SNTG1: variants seen among roughly 807,000 people sequenced by gnomAD.
SNTG1 encodes the protein syntrophin gamma 1.
Under a neutral mutation model 74.7 loss-of-function variants are expected in SNTG1, and 39 were observed. The observed-to-expected ratio is 0.52, with a 90% CI of 0.40 to 0.68. The LOEUF (loss-of-function observed/expected upper bound fraction) is 0.68, where lower values mean the gene tolerates loss of function less well. Among genes scored for constraint, SNTG1 ranks in the 30% least tolerant of loss-of-function variants. SNTG1 has a pLI of 0.00. For synonymous variants in SNTG1, 254 were observed against 217.1 expected (o/e 1.17, Z -1.49); for missense variants, 685 against 609.5 (o/e 1.12, Z -1.30).
At chr8:50,208,027 A>T (rs1363828948) in intron 2 of SNTG1, among the ~76,000 whole-genome samples, 6 of 152,328 alleles carry the variant, frequency 3.9e-5, no homozygotes, top group Middle Eastern at 3.4e-3. Context: ...TGGTGTTGAG[A>T]AGAATGTATA....
At chr8:50,449,043 A>C (rs533722260) in intron 5 of SNTG1, among the ~76,000 whole-genome samples, 1 of 152,270 alleles carries the variant, frequency 6.6e-6, no homozygotes, top group East Asian at 1.9e-4. Context: ...AAAATAAAAT[A>C]AATAAATACA....
chr8:50,384,070 AC>A (rs2092534685), intron 2 of SNTG1, among the ~76,000 whole-genome samples: 1 of 152,196 alleles, frequency 6.6e-6, no homozygotes, highest in Non-Finnish European at 1.5e-5. Context: ...GAGAGGCACT[AC>A]CCTCATTTCC....
intron 5 of SNTG1, among the ~76,000 whole-genome samples, chr8:50,443,007 T>C (rs1273981166): frequency 6.6e-6 from 1 of 152,184 alleles, no homozygotes; most frequent in Non-Finnish European, 1.5e-5. Flanking sequence ...GCCCATCCTC[T>C]GGGCTGGACC....
chr8:49,994,824 G>T (rs887603401), intron 1 of SNTG1, among the ~76,000 whole-genome samples: 1 of 151,932 alleles, frequency 6.6e-6, no homozygotes, highest in Non-Finnish European at 1.5e-5. Flanking sequence ...GTACCTCAAA[G>T]GTAGAGAATT....
intron 17 of SNTG1, among the ~76,000 whole-genome samples, chr8:50,728,977 C>T (rs1370430409): frequency 6.6e-6 from 1 of 152,180 alleles, no homozygotes; most frequent in Non-Finnish European, 1.5e-5. Context: ...GAACAACTAA[C>T]TGAGGGGCTG....
intron 1 of SNTG1, among the ~76,000 whole-genome samples, chr8:50,110,361 T>C (rs577963326): frequency 3.3e-5 from 5 of 152,272 alleles, no homozygotes; most frequent in African/African-American, 1.2e-4. Context: ...CATGTCTGGC[T>C]ATCAGCCTAC....
intron 9 of SNTG1, among the ~76,000 whole-genome samples, chr8:50,519,994 G>A (rs1297220372): frequency 6.6e-6 from 1 of 152,058 alleles, no homozygotes; most frequent in Non-Finnish European, 1.5e-5. Context: ...ACAATCCTAA[G>A]CAAAAAGAAC....
intron 2 of SNTG1, among the ~76,000 whole-genome samples, chr8:50,361,749 T>A (rs1045135883): frequency 6.6e-6 from 1 of 152,146 alleles, no homozygotes; most frequent in East Asian, 1.9e-4. Flanking sequence ...CTAGGAGTTA[T>A]AAGCTATTAC....
chr8:50,727,916 A>G (rs1407733777), intron 17 of SNTG1, among the ~76,000 whole-genome samples: 1 of 152,212 alleles, frequency 6.6e-6, no homozygotes, highest in Admixed American at 6.5e-5. Flanking sequence ...AGGGACAATT[A>G]TCCCTGCAGA....
chr8:50,505,611 T>G (rs529183914), intron 9 of SNTG1, among the ~76,000 whole-genome samples: 1 of 152,264 alleles, frequency 6.6e-6, no homozygotes, highest in African/African-American at 2.4e-5. Context: ...ATCAGTAATC[T>G]TAAGCGTCTT....
intron 18 of SNTG1, among the ~76,000 whole-genome samples, chr8:50,765,475 G>A (rs2095611391): frequency 6.6e-6 from 1 of 151,814 alleles, no homozygotes; most frequent in East Asian, 1.9e-4. Flanking sequence ...GGGGTCTCTG[G>A]GTTCTTAGTC....
intron 1 of SNTG1, among the ~76,000 whole-genome samples, chr8:50,058,785 A>G (rs1820238989): frequency 6.6e-6 from 1 of 151,256 alleles, no homozygotes; most frequent in Non-Finnish European, 1.5e-5. Flanking sequence ...GTGCCATGCA[A>G]TTTTATCACA....
At chr8:50,176,443 G>A (rs1217591596) in intron 2 of SNTG1, among the ~76,000 whole-genome samples, 1 of 152,132 alleles carries the variant, frequency 6.6e-6, no homozygotes, top group Non-Finnish European at 1.5e-5. Flanking sequence ...TTCATATCCT[G>A]GGCAACTTTC....
At chr8:50,428,771 C>CT (rs888762950) in intron 4 of SNTG1, among the ~76,000 whole-genome samples, 5 of 151,960 alleles carry the variant, frequency 3.3e-5, no homozygotes, top group Non-Finnish European at 5.9e-5. Flanking sequence ...AGGAAAGGGC[C>CT]TTTTTTTGTA....
At position 50,553,153 on chromosome 8, in the gene SNTG1, A is replaced by C. The variant is rs760441726; in HGVS notation, c.784A>C (p.Asn262His). The C allele has an allele frequency of 6.2e-7, 1 of 1,613,916 alleles. No homozygotes were observed. Among genetic ancestry groups the C allele is most frequent in the Non-Finnish European group, 8.5e-7 (1 of 1,179,864 alleles). ...CVDWLQAIAT[N>H]ISNLTKHNIK... ...TGACTGGCTACAAGCAATAGCAACTAACATTTCAAATCTCACAAAGCACAA... is the reference window on the plus strand; with the variant it reads ...TGACTGGCTACAAGCAATAGCAACTCACATTTCAAATCTCACAAAGCACAA... Residue 262 changes from asparagine to histidine, a missense_variant, in exon 12 of 19, where the codon AAC becomes CAC. Physicochemically the swap from Asn to His is moderately conservative, Grantham distance 68 (BLOSUM62 1). Transcript: ENST00000642720.
At chr8:50,175,470 G>A (rs1678612155) in intron 2 of SNTG1, among the ~76,000 whole-genome samples, 1 of 152,194 alleles carries the variant, frequency 6.6e-6, no homozygotes, top group Non-Finnish European at 1.5e-5. Flanking sequence ...AGGGGACAGA[G>A]AGCAAAGGAT....
intron 1 of SNTG1, among the ~76,000 whole-genome samples, chr8:50,151,609 G>A (rs529133484): frequency 6.6e-6 from 1 of 152,048 alleles, no homozygotes; most frequent in Non-Finnish European, 1.5e-5. Context: ...GGTATGTTTT[G>A]TCTTTGTTCT....
At chr8:50,049,404 C>T (rs1819375734) in intron 1 of SNTG1, among the ~76,000 whole-genome samples, 1 of 152,024 alleles carries the variant, frequency 6.6e-6, no homozygotes, top group African/African-American at 2.4e-5. Flanking sequence ...TAAAGGAGGT[C>T]ATTATTATAT....
intron 13 of SNTG1, among the ~76,000 whole-genome samples, chr8:50,654,999 G>A (rs1466240136): frequency 2.6e-5 from 4 of 152,112 alleles, no homozygotes; most frequent in African/African-American, 4.8e-5. Context: ...TGACATTTCC[G>A]TGTAGAAAGC....
Sources: allele counts gnomAD v4.1 joint callset (sites outside exome capture counted in the v4.1 genomes callset), GRCh38; gene constraint gnomAD v4.1.1; transcripts MANE v1.5; gene names NCBI Gene and HGNC (gene_info 2026-07-23, HGNC 2026-07-21).